Variants in GGA3 observed in about 807,000 individuals in gnomAD.
The protein encoded by GGA3 is golgi associated, gamma adaptin ear containing, ARF binding protein 3, also known as ADP-ribosylation factor-binding protein GGA3.
GGA3 carries 57 observed loss-of-function variants against 77.5 expected under a neutral mutation model. That is an observed-to-expected ratio of 0.74 (90% confidence interval 0.59 to 0.92). GGA3 has a LOEUF of 0.92. Among genes scored for constraint, GGA3 ranks in the 40% least tolerant of loss-of-function variants. The probability of loss-of-function intolerance (pLI) is 0.00; values close to 1 mark genes in which losing one functional copy is unlikely to be tolerated. For synonymous variants in GGA3, 416 were observed against 383.7 expected (o/e 1.08, Z -0.98); for missense variants, 970 against 914.9 (o/e 1.06, Z -0.78).
chr17:75,239,245 A>T (rs1465277987), intron 14 of GGA3, 130 bp downstream of exon 14: 1 of 966,778 alleles, frequency 1.0e-6, no homozygotes, highest in East Asian at 2.6e-5. Flanking sequence ...CTGAGAATGC[A>T]GGCAGGGAGG....
At chr17:75,258,130 C>T (rs543987040) in intron 1 of GGA3, among the ~76,000 whole-genome samples, 5 of 152,292 alleles carry the variant, frequency 3.3e-5, no homozygotes, top group Admixed American at 1.3e-4. Context: ...TTAACTTCAC[C>T]GCCTATCCCA....
In GGA3 at chr17:75,244,729, C is replaced by G. The variant is rs774620170; in HGVS notation, c.202-12G>C. On this transcript the variant is annotated splice_polypyrimidine_tract_variant and intron_variant, in intron 3 of 16. Transcript: ENST00000537686. ...CATGCCTCCAGCACCTGTAGCCGCA[C>G]AGAGGAGAGGCGCTCAGTGAGGGCG... 6 of 1,600,442 alleles carry G rather than the reference C, an allele frequency of 3.7e-6. No homozygotes were observed. In the South Asian group the frequency reaches 4.4e-5, roughly 12 times the overall value.
chr17:75,259,189 C>T (rs1222740031), intron 1 of GGA3, among the ~76,000 whole-genome samples: 2 of 152,076 alleles, frequency 1.3e-5, no homozygotes, highest in African/African-American at 2.4e-5. Flanking sequence ...CTCCTGACCT[C>T]GTGATCCACC....
chr17:75,254,059 C>T (rs760576003), intron 1 of GGA3, among the ~76,000 whole-genome samples: 1 of 152,168 alleles, frequency 6.6e-6, no homozygotes, highest in African/African-American at 2.4e-5. Flanking sequence ...TGCCTCACAT[C>T]CAGGCATTTT....
chr17:75,252,072 G>GT (rs372452392), intron 1 of GGA3, among the ~76,000 whole-genome samples: 17,058 of 141,168 alleles, frequency 0.12, 2,787 homozygotes, highest in African/African-American at 0.37. Context: ...GGCGTCTTTC[G>GT]TTTTTTTTTT....
At chr17:75,246,626 G>T (rs1339148228) in intron 2 of GGA3, 42 bp from the exon 3 acceptor site, 1 of 1,581,802 alleles carries the variant, frequency 6.3e-7, no homozygotes, top group Admixed American at 1.7e-5. Context: ...CTAAGCCTGG[G>T]GCTACCTGGC....
intron 1 of GGA3, among the ~76,000 whole-genome samples, chr17:75,256,919 G>A (rs8066519): frequency 0.11 from 17,431 of 151,824 alleles, 2,889 homozygotes; most frequent in African/African-American, 0.36. Context: ...TCTTCCCTTC[G>A]GTCAGACACA....
At position 75,256,903 on chromosome 17, in the gene GGA3, G is replaced by T. The variant is rs975747902; in HGVS notation, c.40+4645C>A. The stretch of plus-strand genomic sequence containing the variant: ...TACAGGGTCTGAGAAGGCCACCGCA[G>T]TCATTTCTTCCCTTCGGTCAGACAC... On this transcript the variant is annotated intron_variant, in intron 1 of 16. Coordinates refer to ENST00000537686, the MANE Select transcript of GGA3 (RefSeq NM_138619.4). Among the ~76,000 whole-genome samples the T allele has an allele frequency of 4.4e-3, 671 of 152,222 alleles. 7 individuals are homozygous for T. The highest frequency in any genetic ancestry group is 0.015 in the African/African-American group (636 of 41,474).
chr17:75,244,905 C>T (rs1398543187), intron 3 of GGA3, among the ~76,000 whole-genome samples, 188 bp from the exon 4 acceptor site: 1 of 152,120 alleles, frequency 6.6e-6, no homozygotes, highest in Admixed American at 6.6e-5. Flanking sequence ...CAGACCATGT[C>T]CCTCCAACTG....
At chr17:75,242,085 A>T in intron 8 of GGA3, 2 of 580,148 alleles carry the variant, frequency 3.4e-6, no homozygotes, top group South Asian at 2.0e-5. Flanking sequence ...GAGCACCGAG[A>T]GTGTGGTCTC....
At chr17:75,251,176 T>C (rs1372053770) in intron 1 of GGA3, among the ~76,000 whole-genome samples, 5 of 152,050 alleles carry the variant, frequency 3.3e-5, no homozygotes, top group African/African-American at 1.2e-4. Flanking sequence ...ACTAGGGTCC[T>C]GAATGGAAAC....
intron 1 of GGA3, among the ~76,000 whole-genome samples, chr17:75,255,438 T>C (rs2077112827): frequency 4.6e-5 from 7 of 152,088 alleles, no homozygotes. Context: ...TGCGTCCTCC[T>C]CTTGTATTCC....
intron 8 of GGA3, 33 bp from the exon 9 acceptor site, chr17:75,241,729 C>G: frequency 6.4e-7 from 1 of 1,568,996 alleles, no homozygotes; most frequent in Non-Finnish European, 8.8e-7. Flanking sequence ...AATCAAACCA[C>G]AAAGGCCCTT....
rs1339903460 is a variant in GGA3, at chr17:75,237,442, G to GT, written c.*836dup. On this transcript the variant is annotated 3_prime_UTR_variant, in exon 17 of 17. Transcript: ENST00000537686. The stretch of plus-strand genomic sequence containing the variant: ...GGTAGATTCCAAGGGGAGGATAGCA[G>GT]TTTATTTCATGCCAAGCAAGAGGTA... The GT allele has an allele frequency of 3.9e-6, 6 of 1,520,452 alleles. No homozygotes were observed. Among genetic ancestry groups the GT allele is most frequent in the Non-Finnish European group, 5.3e-6 (6 of 1,132,668 alleles). The allele number at this position is 1,520,452 out of a possible 1,614,324, so 94.2% of individuals were successfully genotyped here.
rs2076362575 is a variant in GGA3 at position 75,237,556 on chromosome 17, C to G, written c.*723G>C. 1.3e-6 allele frequency: 2 copies of G among 1,535,862 alleles called. No individual in the cohort carries two copies. Among genetic ancestry groups the G allele is most frequent in the Non-Finnish European group, 1.7e-6 (2 of 1,146,708 alleles). Reference sequence around the variant, plus strand: ...TTCTGGAGAAGGGGAAATACTGGCTCTCTTCATTTTCCTTCCTATCCCTAG... The same window carrying G: ...TTCTGGAGAAGGGGAAATACTGGCTGTCTTCATTTTCCTTCCTATCCCTAG... On this transcript the variant is annotated 3_prime_UTR_variant, in exon 17 of 17. Transcript: ENST00000537686.
rs1337378048 is a variant in GGA3, at chr17:75,240,115, A to G, written c.1264-7T>C. 1.3e-5 allele frequency: 19 copies of G among 1,488,324 alleles called. No individual in the cohort carries two copies. The highest frequency in any genetic ancestry group is 1.5e-5 in the Non-Finnish European group (17 of 1,101,618). The allele number at this position is 1,488,324 out of a possible 1,614,324, so 92.2% of individuals were successfully genotyped here. On this transcript the variant is annotated splice_polypyrimidine_tract_variant and splice_region_variant and intron_variant, in intron 12 of 16. Transcript: ENST00000537686. Reference sequence around the variant, plus strand: ...CCAGGTCGGACTGTTCCCTCTATGAACAACAGAAAGGGTGGTGAGCCGAGG... The same window carrying G: ...CCAGGTCGGACTGTTCCCTCTATGAGCAACAGAAAGGGTGGTGAGCCGAGG...
intron 13 of GGA3, 82 bp from the exon 14 acceptor site, chr17:75,239,653 C>T: frequency 3.4e-6 from 5 of 1,451,696 alleles, no homozygotes; most frequent in Non-Finnish European, 4.8e-6. Flanking sequence ...TGACCATGCT[C>T]TTACCCAGGC....
intron 1 of GGA3, among the ~76,000 whole-genome samples, chr17:75,249,859 C>G (rs1260910775): frequency 1.3e-5 from 2 of 152,228 alleles, no homozygotes; most frequent in Non-Finnish European, 2.9e-5. Flanking sequence ...TATTAGACTT[C>G]CAACAGCATT....
At chr17:75,240,690 C>T (rs979097572) in intron 11 of GGA3, 122 bp downstream of exon 11, 3 of 1,145,726 alleles carry the variant, frequency 2.6e-6, no homozygotes, top group Non-Finnish European at 3.6e-6. Context: ...GTACCTCCAA[C>T]TCAGGGTTCT....
Sources: gnomAD v4.1 joint callset for allele counts (sites outside exome capture counted in the v4.1 genomes callset) on GRCh38, gnomAD v4.1.1 for gene constraint, MANE v1.5 for transcripts, NCBI Gene and HGNC (gene_info 2026-07-23, HGNC 2026-07-21) for gene names.